Variants in SYNE1 observed in about 807,000 individuals in gnomAD.
SYNE1 encodes spectrin repeat containing nuclear envelope protein 1, also known as nesprin-1.
A neutral mutation model predicts 1,111.0 loss-of-function variants in SYNE1; 616 were observed. The observed-to-expected ratio is 0.55, with a 90% CI of 0.52 to 0.59. The LOEUF (loss-of-function observed/expected upper bound fraction) is 0.59, where lower values mean the gene tolerates loss of function less well. Among genes scored for constraint, SYNE1 ranks in the 20% least tolerant of loss-of-function variants. The pLI is 0.00. For missense variants in SYNE1, 10,006 were observed against 10,417.0 expected (o/e 0.96, Z 1.72); for synonymous variants, 3,855 against 3,825.8 (o/e 1.01, Z -0.28).
intron 24 of SYNE1, 77 bp from the exon 25 acceptor site, chr6:152,453,797 C>G (rs1169856048): frequency 3.1e-6 from 5 of 1,591,600 alleles, no homozygotes; most frequent in Non-Finnish European, 2.6e-6. Context: ...GCCTCTAAGC[C>G]TCCAAACAAG....
intron 91 of SYNE1, 113 bp from the exon 92 acceptor site, chr6:152,302,176 C>T: frequency 1.4e-6 from 2 of 1,442,832 alleles, no homozygotes; most frequent in Non-Finnish European, 9.6e-7. Context: ...CCGCGCGGGC[C>T]CGGGAGGCAG....
chr6:152,572,865 G>A (rs2099471038), intron 3 of SYNE1, among the ~76,000 whole-genome samples: 1 of 151,928 alleles, frequency 6.6e-6, no homozygotes, highest in Non-Finnish European at 1.5e-5. Context: ...AGGGAAGGCA[G>A]GAAAAGCCAA....
chr6:152,558,691 A>T (rs2099383894), intron 3 of SYNE1, among the ~76,000 whole-genome samples: 1 of 152,208 alleles, frequency 6.6e-6, no homozygotes, highest in Non-Finnish European at 1.5e-5. Context: ...TAAATATATA[A>T]AATGAATGCT....
chr6:152,462,236 T>C (rs1237843131), intron 20 of SYNE1, among the ~76,000 whole-genome samples: 2 of 152,146 alleles, frequency 1.3e-5, no homozygotes, highest in African/African-American at 4.8e-5. Context: ...ATTAAGTTTT[T>C]TTTTCCTGTG....
intron 6 of SYNE1, among the ~76,000 whole-genome samples, chr6:152,512,758 G>A (rs2099091410): frequency 6.6e-6 from 1 of 152,142 alleles, no homozygotes. Flanking sequence ...GTTTCACAAT[G>A]AGTTTAGGGA....
intron 18 of SYNE1, among the ~76,000 whole-genome samples, chr6:152,464,166 T>G (rs1275856884): frequency 1.3e-5 from 2 of 152,196 alleles, no homozygotes; most frequent in South Asian, 4.1e-4. Context: ...TAACACACTT[T>G]CTTATTTATT....
Position 152,225,864 on chromosome 6 carries a change from A to C in SYNE1, c.21208T>G (p.Leu7070Val). The change falls in exon 116 of 146, where the codon TTG becomes GTG. Residue 7070 changes from leucine (L) to valine (V), a missense_variant. Transcript: ENST00000367255. ...ACTTCTTTTTCTTTTGCTTTAATCAAATCTTCCAGATCCTGAAAGATTTAA... is the reference window on the plus strand; with the variant it reads ...ACTTCTTTTTCTTTTGCTTTAATCACATCTTCCAGATCCTGAAAGATTTAA... ...ALKDCQDLED[L>V]IKAKEKEVEK... The C allele has an allele frequency of 1.9e-6, 3 of 1,613,356 alleles. No individual in the cohort carries two copies. The highest frequency in any genetic ancestry group is 2.2e-5 in the South Asian group (2 of 91,060).
chr6:152,159,174 C>G (rs1385837182), intron 131 of SYNE1, among the ~76,000 whole-genome samples: 1 of 152,194 alleles, frequency 6.6e-6, no homozygotes, highest in Non-Finnish European at 1.5e-5. Context: ...ACAAGGGAAA[C>G]TGTGGTAACT....
chr6:152,467,671 C>T lies in SYNE1; in HGVS notation c.1633-1593G>A, dbSNP rs190793448. Among the ~76,000 whole-genome samples, 742 of 151,988 alleles carry T rather than the reference C, an allele frequency of 4.9e-3. 5 individuals are homozygous for T. Among genetic ancestry groups the T allele is most frequent in the Middle Eastern group, 0.02 (6 of 294 alleles). The stretch of plus-strand genomic sequence containing the variant: ...TATTTCCAATTTAATTTCTGGTCCA[C>T]GAGGCAGGAAAGAGGGGAGAATGTT... On this transcript the variant is annotated intron_variant, in intron 16 of 145. Coordinates refer to ENST00000367255, the MANE Select transcript of SYNE1 (RefSeq NM_182961.4).
At chr6:152,275,751 C>T (rs1337920695) in intron 98 of SYNE1, among the ~76,000 whole-genome samples, 8 of 151,126 alleles carry the variant, frequency 5.3e-5, no homozygotes, top group Admixed American at 1.3e-4. Flanking sequence ...GCAGGTGGTG[C>T]GCGCCTATAG....
At chr6:152,300,923 G>C in intron 92 of SYNE1, 142 bp from the exon 93 acceptor site, 2 of 1,164,608 alleles carry the variant, frequency 1.7e-6, no homozygotes, top group South Asian at 2.7e-5. Flanking sequence ...TATTAATCCT[G>C]TGTTAGTATT....
rs1005554360 is a variant in SYNE1 at position 152,598,066 on chromosome 6, G to A, written c.67+30199C>T. Among the ~76,000 whole-genome samples, 19 of 152,200 alleles carry A rather than the reference G, an allele frequency of 1.2e-4. 3 individuals carry two copies. The highest frequency in any genetic ancestry group is 8.5e-4 in the Admixed American group (13 of 15,286). ...TTTCCTGGGCCTTAGGGAGAAAAAAGCTCAGGCTCAGATATACAGATTCAG... is the reference window on the plus strand; with the variant it reads ...TTTCCTGGGCCTTAGGGAGAAAAAAACTCAGGCTCAGATATACAGATTCAG... On this transcript the variant is annotated intron_variant, in intron 3 of 145. Transcript: ENST00000367255.
intron 2 of SYNE1, among the ~76,000 whole-genome samples, chr6:152,635,655 C>G (rs2129043799): frequency 6.6e-6 from 1 of 152,208 alleles, no homozygotes; most frequent in East Asian, 1.9e-4. Flanking sequence ...CGAATGTTGT[C>G]TTTAGGAAAG....
At chr6:152,234,319 G>A (rs1338362251) in intron 111 of SYNE1, among the ~76,000 whole-genome samples, 1 of 151,614 alleles carries the variant, frequency 6.6e-6, no homozygotes, top group East Asian at 1.9e-4. Context: ...TTTAGATGGA[G>A]TCGCTCGCTC....
At chr6:152,356,885 A>G (rs1157984977) in intron 66 of SYNE1, among the ~76,000 whole-genome samples, 1 of 152,212 alleles carries the variant, frequency 6.6e-6, no homozygotes, top group African/African-American at 2.4e-5. Context: ...AGCAACAGCA[A>G]CATCTGCTGG....
intron 23 of SYNE1, 131 bp from the exon 24 acceptor site, chr6:152,455,721 C>G (rs1370291822): frequency 1.4e-6 from 2 of 1,395,614 alleles, no homozygotes; most frequent in Non-Finnish European, 2.0e-6. Context: ...ATAATTAACT[C>G]TTTTCAATAT....
chr6:152,469,908 T>C (rs2098795968), intron 16 of SYNE1, among the ~76,000 whole-genome samples: 1 of 152,130 alleles, frequency 6.6e-6, no homozygotes, highest in African/African-American at 2.4e-5. Flanking sequence ...AAATGATGCA[T>C]GTAAAACACT....
In SYNE1 at chr6:152,151,161, G is replaced by T. The variant is rs528635234; in HGVS notation, c.24450+392C>A. 9.2e-5 allele frequency among the ~76,000 whole-genome samples: 14 copies of T among 151,958 alleles called. No individual in the cohort carries two copies. In the South Asian group the frequency reaches 2.7e-3, roughly 29 times the overall value. ...TGCTTGAACCAGGGAAGTGGAGGTT[G>T]CAGTGAGCCAAGATTGCGCCACTGC... On this transcript the variant is annotated intron_variant, in intron 135 of 145. Transcript: ENST00000367255.
chr6:152,233,977 C>T lies in SYNE1; in HGVS notation c.20530-14G>A, dbSNP rs2296254. 346,848 of 1,611,604 alleles carry T rather than the reference C, an allele frequency of 0.22. 40,116 individuals are homozygous for T. The highest frequency in any genetic ancestry group is 0.42 in the Admixed American group (25,248 of 59,922). ...TTTAGAAAACTCCTGAAACAAGTAGCGATGTTCAAATTAGGGTTAAATAGC... is the reference window on the plus strand; with the variant it reads ...TTTAGAAAACTCCTGAAACAAGTAGTGATGTTCAAATTAGGGTTAAATAGC... On this transcript the variant is annotated splice_polypyrimidine_tract_variant and intron_variant, in intron 111 of 145. Coordinates refer to ENST00000367255, the MANE Select transcript of SYNE1 (RefSeq NM_182961.4).
Sources: gnomAD v4.1 joint callset for allele counts (sites outside exome capture counted in the v4.1 genomes callset) on GRCh38, gnomAD v4.1.1 for gene constraint, MANE v1.5 for transcripts, NCBI Gene and HGNC (gene_info 2026-07-23, HGNC 2026-07-21) for gene names.